The following UBE2R2 variants were observed in gnomAD, a reference collection of about 807,000 sequenced individuals.
UBE2R2 encodes ubiquitin-conjugating enzyme E2 R2.
In UBE2R2, 1 loss-of-function variant was observed where a neutral mutation model predicts 27.8. The ratio of observed to expected loss-of-function variants is 0.04; its 90% CI spans 0.01 to 0.17. The LOEUF (loss-of-function observed/expected upper bound fraction) is 0.17, where lower values mean the gene tolerates loss of function less well. UBE2R2 is among the 10% of genes least tolerant of loss of function. The probability of loss-of-function intolerance (pLI) is 1.00; values close to 1 mark genes in which losing one functional copy is unlikely to be tolerated. For missense variants in UBE2R2, 100 were observed against 291.0 expected (o/e 0.34, Z 4.78); for synonymous variants, 106 against 113.3 (o/e 0.94, Z 0.41).
intron 1 of UBE2R2, among the ~76,000 whole-genome samples, chr9:33,848,993 A>G (rs1447958892): frequency 6.6e-6 from 1 of 151,980 alleles, no homozygotes; most frequent in Non-Finnish European, 1.5e-5. Context: ...GCCGTGGCTC[A>G]CGCCTGTAAT....
chr9:33,841,163 A>G (rs138505324), intron 1 of UBE2R2, among the ~76,000 whole-genome samples: 62 of 151,906 alleles, frequency 4.1e-4, no homozygotes, highest in African/African-American at 1.4e-3. Flanking sequence ...GCTCACTGCA[A>G]CCTCTGCCTC....
At chr9:33,830,739 C>T (rs1820452974) in intron 1 of UBE2R2, among the ~76,000 whole-genome samples, 1 of 150,388 alleles carries the variant, frequency 6.6e-6, no homozygotes, top group Admixed American at 6.6e-5. Flanking sequence ...TGCAATCCAG[C>T]CTGGGGGACA....
chr9:33,849,791 A>T (rs1458432927), intron 1 of UBE2R2, among the ~76,000 whole-genome samples: 1 of 151,692 alleles, frequency 6.6e-6, no homozygotes, highest in Non-Finnish European at 1.5e-5. Context: ...CAAGAGGTGG[A>T]GGTTGCAGTG....
At chr9:33,828,166 G>A (rs10971722) in intron 1 of UBE2R2, among the ~76,000 whole-genome samples, 11,881 of 151,226 alleles carry the variant, frequency 0.079, 671 homozygotes, top group Non-Finnish European at 0.12. Context: ...GCTGGTTGTG[G>A]TAGCACGCGC....
At chr9:33,905,111 T>A (rs1587481265) in intron 3 of UBE2R2, among the ~76,000 whole-genome samples, 1 of 152,184 alleles carries the variant, frequency 6.6e-6, no homozygotes, top group East Asian at 1.9e-4. Context: ...TGCTATAGGC[T>A]CTGGGATGGT....
intron 1 of UBE2R2, among the ~76,000 whole-genome samples, chr9:33,860,515 T>G (rs1323952639): frequency 6.6e-6 from 1 of 152,234 alleles, no homozygotes; most frequent in Non-Finnish European, 1.5e-5. Context: ...CATGGTTGTA[T>G]GACATCAGAT....
intron 1 of UBE2R2, among the ~76,000 whole-genome samples, chr9:33,876,520 G>C (rs921162586): frequency 6.6e-6 from 1 of 152,230 alleles, no homozygotes; most frequent in East Asian, 1.9e-4. Context: ...TCCGCTGAAG[G>C]AGTTCTTAGT....
In UBE2R2 at chr9:33,911,445, A is replaced by G. The variant is rs530027383; in HGVS notation, c.363-519A>G. On this transcript the variant is annotated intron_variant, in intron 3 of 4. Coordinates refer to ENST00000263228, the MANE Select transcript of UBE2R2 (RefSeq NM_017811.4). ...AAAAAAAAAAAAAAAACCTGGTTAT[A>G]TAGAATAGCATCATTTTTACCAGCT... Among the ~76,000 whole-genome samples the G allele has an allele frequency of 8.5e-5, 12 of 141,352 alleles. No individual in the cohort carries two copies. In the South Asian group the frequency reaches 2.6e-3, roughly 31 times the overall value. The allele number at this position is 141,352 out of a possible 152,430, so 92.7% of individuals were successfully genotyped here.
At chr9:33,916,702 C>T (rs748631796) in intron 4 of UBE2R2, among the ~76,000 whole-genome samples, 7 of 152,212 alleles carry the variant, frequency 4.6e-5, no homozygotes, top group Non-Finnish European at 1.0e-4. Flanking sequence ...TCTTAAGTCG[C>T]CGACCTATTG....
intron 1 of UBE2R2, among the ~76,000 whole-genome samples, chr9:33,832,171 G>A (rs1384321689): frequency 2.6e-5 from 4 of 151,420 alleles, no homozygotes; most frequent in African/African-American, 9.7e-5. Context: ...AGGCAGGCGT[G>A]GTGGTGCGTG....
Position 33,836,873 on chromosome 9 carries a change from G to T in UBE2R2, c.177+18939G>T, listed in dbSNP as rs60060941. Among the ~76,000 whole-genome samples, 20 of 152,024 alleles carry T rather than the reference G, an allele frequency of 1.3e-4. No individual in the cohort carries two copies. The East Asian group carries it at 3.7e-3, about 28-fold the overall frequency. On this transcript the variant is annotated intron_variant, in intron 1 of 4. Transcript: ENST00000263228. Reference sequence around the variant, plus strand: ...TTACTTGGCTGGGTATAGAATTCTAGATTGGAAATCCTGTAGCTTTAGAAT... The same window carrying T: ...TTACTTGGCTGGGTATAGAATTCTATATTGGAAATCCTGTAGCTTTAGAAT...
chr9:33,887,929 C>A (rs1341729020), intron 2 of UBE2R2, among the ~76,000 whole-genome samples: 2 of 152,250 alleles, frequency 1.3e-5, no homozygotes, highest in African/African-American at 4.8e-5. Context: ...CCCACCTCGG[C>A]CTCCCAAAGT....
chr9:33,869,390 T>G (rs1218819897), intron 1 of UBE2R2, among the ~76,000 whole-genome samples: 2 of 152,138 alleles, frequency 1.3e-5, no homozygotes, highest in Non-Finnish European at 2.9e-5. Context: ...CAAGTCAGTT[T>G]ATACTTGGTT....
At chr9:33,853,283 TC>T in intron 1 of UBE2R2, among the ~76,000 whole-genome samples, 1 of 130,232 alleles carries the variant, frequency 7.7e-6, no homozygotes. Context: ...TTACCTTTTC[TC>T]TCTCTTTTTT....
intron 1 of UBE2R2, among the ~76,000 whole-genome samples, chr9:33,869,158 G>C (rs1821426463): frequency 6.6e-6 from 1 of 151,904 alleles, no homozygotes; most frequent in Admixed American, 6.6e-5. Flanking sequence ...AGTCCTAGCT[G>C]CTTGGGAGGC....
chr9:33,837,715 T>C (rs1240292952), intron 1 of UBE2R2, among the ~76,000 whole-genome samples: 1 of 152,032 alleles, frequency 6.6e-6, no homozygotes, highest in Non-Finnish European at 1.5e-5. Context: ...CCACCACACC[T>C]GGCCTGTTCT....
At chr9:33,883,651 G>T (rs1238733338) in intron 1 of UBE2R2, among the ~76,000 whole-genome samples, 2 of 147,586 alleles carry the variant, frequency 1.4e-5, no homozygotes, top group African/African-American at 5.0e-5. Context: ...GGAGGTGGAG[G>T]TTGCAGTGAG....
chr9:33,887,964 C>T (rs1244329295), intron 2 of UBE2R2, among the ~76,000 whole-genome samples: 1 of 152,216 alleles, frequency 6.6e-6, no homozygotes, highest in Non-Finnish European at 1.5e-5. Flanking sequence ...CGTGAGCCAC[C>T]GCGCCTGGCC....
intron 3 of UBE2R2, among the ~76,000 whole-genome samples, chr9:33,903,133 A>G (rs973067794): frequency 3.9e-5 from 6 of 152,132 alleles, no homozygotes; most frequent in African/African-American, 7.2e-5. Context: ...TATGTATTCT[A>G]TATTACTCAA....
Sources: allele counts gnomAD v4.1 joint callset (sites outside exome capture counted in the v4.1 genomes callset), GRCh38; gene constraint gnomAD v4.1.1; transcripts MANE v1.5; gene names NCBI Gene and HGNC (gene_info 2026-07-23, HGNC 2026-07-21).